Variants in GTF3A observed in about 807,000 individuals in gnomAD.
The protein encoded by GTF3A is general transcription factor IIIA.
In GTF3A, 40 loss-of-function variants were observed where a neutral mutation model predicts 37.6. The observed-to-expected ratio is 1.06, with a 90% confidence interval of 0.83 to 1.38. The LOEUF (loss-of-function observed/expected upper bound fraction) is 1.38. Ranked by LOEUF, GTF3A falls within the 40% of genes most tolerant of loss-of-function variation. The pLI, the probability that GTF3A is intolerant of heterozygous loss-of-function variation, is 0.00. For synonymous variants in GTF3A, 191 were observed against 166.7 expected (o/e 1.15, Z -1.12); for missense variants, 500 against 462.6 (o/e 1.08, Z -0.74).
chr13:27,428,638 C>T (rs1306064773), intron 2 of GTF3A, among the ~76,000 whole-genome samples: 16 of 152,214 alleles, frequency 1.1e-4, no homozygotes. Flanking sequence ...TGTCAGGACT[C>T]TTCCTGGCCT....
rs1447232236 is a variant in GTF3A, at chr13:27,424,791, C to T, written c.54C>T (p.Asp18=). Residue 18 remains aspartate, a synonymous_variant, in exon 1 of 9, where the codon GAC becomes GAT. Coordinates refer to ENST00000381140, the MANE Select transcript of GTF3A (RefSeq NM_002097.3). ...CGGTGTCGTCCTTGACCATCGCCGA[C>T]GCGTTCATTGCAGCCGGCGAGAGCT... 2.6e-6 allele frequency: 4 copies of T among 1,544,774 alleles called. No individual in the cohort carries two copies. Among genetic ancestry groups the T allele is most frequent in the Non-Finnish European group, 3.5e-6 (4 of 1,145,020 alleles).
chr13:27,426,656 C>T (rs1046924794), intron 1 of GTF3A, among the ~76,000 whole-genome samples: 2 of 152,220 alleles, frequency 1.3e-5, no homozygotes, highest in Admixed American at 1.3e-4. Flanking sequence ...TATCCTAGCA[C>T]AGACCCTGGG....
intron 6 of GTF3A, 44 bp downstream of exon 6, chr13:27,434,263 C>A (rs753410625): frequency 2.5e-6 from 2 of 809,392 alleles, no homozygotes; most frequent in East Asian, 4.8e-5. Context: ...ATGTTTGTCC[C>A]CACAGAACTG....
chr13:27,430,043 G>A (rs1953643766), intron 3 of GTF3A, 77 bp downstream of exon 3: 2 of 744,214 alleles, frequency 2.7e-6, no homozygotes, highest in South Asian at 4.5e-5. Flanking sequence ...TTTTCAGCCA[G>A]GTGCGGTGGC....
rs1566078706 is a variant in GTF3A, at chr13:27,435,664, CT to C, written c.*70del. 3.1e-6 allele frequency: 5 copies of C among 1,612,756 alleles called. No homozygotes were observed. In the East Asian group the frequency reaches 8.9e-5, roughly 29 times the overall value. ...GAGCTTTCTCTCAGAGCATGCTTTT[CT>C]TTATTAAAATTACTGATGCAGAACA... On this transcript the variant is annotated 3_prime_UTR_variant, in exon 9 of 9. Coordinates refer to ENST00000381140, the MANE Select transcript of GTF3A (RefSeq NM_002097.3).
At chr13:27,433,295 A>T (rs771088814) in intron 5 of GTF3A, among the ~76,000 whole-genome samples, 3 of 148,350 alleles carry the variant, frequency 2.0e-5, no homozygotes, top group Non-Finnish European at 4.5e-5. Context: ...TCTGTATTTC[A>T]ATTTCCCAGG....
In GTF3A at chr13:27,435,553, G is replaced by A. The variant is rs1307945438; in HGVS notation, c.1054G>A (p.Glu352Lys). 4.3e-5 allele frequency: 70 copies of A among 1,613,582 alleles called. No individual in the cohort carries two copies. The highest frequency in any genetic ancestry group is 5.7e-5 in the Non-Finnish European group (67 of 1,179,726). ...AAACGGAGAGTCACCCAACTGTGTGGAAGACAAGATGCTCTCGACAGTTGC... is the reference window on the plus strand; with the variant it reads ...AAACGGAGAGTCACCCAACTGTGTGAAAGACAAGATGCTCTCGACAGTTGC... Residue 352 changes from glutamate to lysine, a missense_variant, in exon 9 of 9, where the codon GAA becomes AAA. Physicochemically the swap from Glu to Lys is moderately conservative, Grantham distance 56 (BLOSUM62 1). Coordinates refer to ENST00000381140, the MANE Select transcript of GTF3A (RefSeq NM_002097.3).
At chr13:27,433,929 A>C (rs560750939) in intron 5 of GTF3A, among the ~76,000 whole-genome samples, 1 of 152,186 alleles carries the variant, frequency 6.6e-6, no homozygotes, top group Non-Finnish European at 1.5e-5. Context: ...GGAAGGTAAA[A>C]TCCTTAAAGG....
Position 27,432,760 on chromosome 13 carries a change from T to G in GTF3A, c.518T>G (p.Phe173Cys). 6.2e-7 allele frequency: 1 copy of G among 1,606,528 alleles called. No homozygotes were observed. The highest frequency in any genetic ancestry group is 8.5e-7 in the Non-Finnish European group (1 of 1,176,330). Residue 173 changes from phenylalanine (F) to cysteine (C), a missense_variant, in exon 5 of 9, where the codon TTT (phenylalanine) becomes TGT (cysteine). Transcript: ENST00000381140. ...ACCCAGGAAGGATGTGGGAAACACT[T>G]TGCATCACCCAGCAAGCTGAAACGA...
chr13:27,435,365 C>A, intron 8 of GTF3A, 68 bp from the exon 9 acceptor site: 1 of 1,479,378 alleles, frequency 6.8e-7, no homozygotes, highest in Non-Finnish European at 9.3e-7. Context: ...GTACATATGA[C>A]TATCGTAAAA....
chr13:27,426,698 C>T (rs558556645), intron 1 of GTF3A, among the ~76,000 whole-genome samples: 52 of 152,312 alleles, frequency 3.4e-4, no homozygotes, highest in African/African-American at 1.1e-3. Context: ...CTCCCTCGTT[C>T]CTCTGCCCTA....
Position 27,434,185 on chromosome 13 carries a change from G to A in GTF3A, c.609G>A (p.Thr203=), listed in dbSNP as rs373444805. ...GTTCCTTTGTGGCAAAAACATGGAC[G>A]GAACTTCTGAAACATGTGAGAGAAA... The change falls in exon 6 of 9, where the codon ACG becomes ACA. Residue 203 remains threonine, a synonymous_variant. Coordinates refer to ENST00000381140, the MANE Select transcript of GTF3A (RefSeq NM_002097.3). 4.7e-5 allele frequency: 66 copies of A among 1,413,422 alleles called. 1 individual carries two copies. The East Asian group carries it at 6.6e-4, about 14-fold the overall frequency. 87.6% of individuals were successfully genotyped at this position (1,413,422 alleles called of 1,614,324 possible). A position where few individuals can be genotyped will look rare whatever the true frequency, so the allele number is the denominator to read the frequency against.
chr13:27,434,673 C>A (rs1025031529), intron 6 of GTF3A, 132 bp from the exon 7 acceptor site: 5 of 595,366 alleles, frequency 8.4e-6, no homozygotes, highest in Admixed American at 3.2e-5. Flanking sequence ...GGGGTTGTTT[C>A]CTTGGGAATT....
intron 2 of GTF3A, among the ~76,000 whole-genome samples, chr13:27,428,890 C>A (rs945855914): frequency 6.6e-6 from 1 of 152,056 alleles, no homozygotes; most frequent in Non-Finnish European, 1.5e-5. Context: ...AAGCATGCCA[C>A]TGGCAGGAAG....
At position 27,424,692 on chromosome 13, in the gene GTF3A, G is replaced by A; in HGVS notation, c.-46G>A. ...CGCGCCGGTTCCCGGCACGTGTCTC[G>A]GCACGTGGCAGCGCGCCTGGCCCTG... On this transcript the variant is annotated 5_prime_UTR_variant, in exon 1 of 9. Coordinates refer to ENST00000381140, the MANE Select transcript of GTF3A (RefSeq NM_002097.3). 1.5e-6 allele frequency: 2 copies of A among 1,318,534 alleles called. No individual in the cohort carries two copies. The highest frequency in any genetic ancestry group is 2.0e-6 in the Non-Finnish European group (2 of 1,025,254). The allele number at this position is 1,318,534 out of a possible 1,614,324, so 81.7% of individuals were successfully genotyped here. A position where few individuals can be genotyped will look rare whatever the true frequency, so the allele number is the denominator to read the frequency against.
rs181758264 is a variant in GTF3A, at chr13:27,434,026, A to G, written c.563-113A>G. On this transcript the variant is annotated intron_variant, in intron 5 of 8. Coordinates refer to ENST00000381140, the MANE Select transcript of GTF3A (RefSeq NM_002097.3). Reference sequence around the variant, plus strand: ...TTCCCACCTCAAGAGGCTGAGTTGAATACTATTAGGCGGGGAATGGAAAAT... The same window carrying G: ...TTCCCACCTCAAGAGGCTGAGTTGAGTACTATTAGGCGGGGAATGGAAAAT... 6.0e-6 allele frequency: 4 copies of G among 661,804 alleles called. No homozygotes were observed. The African/African-American group carries it at 7.2e-5, about 12-fold the overall frequency. 41.0% of individuals were successfully genotyped at this position (661,804 alleles called of 1,614,324 possible).
Position 27,429,946 on chromosome 13 carries a change from A to ATC in GTF3A, c.379_380insTC (p.Asn127IlefsTer24). The ATC allele has an allele frequency of 6.6e-7, 1 of 1,522,352 alleles. No individual in the cohort carries two copies. Among genetic ancestry groups the ATC allele is most frequent in the South Asian group, 1.3e-5 (1 of 79,698 alleles). 94.3% of individuals were successfully genotyped at this position (1,522,352 alleles called of 1,614,324 possible). ...GAAACATTTTGAACGCAAACATGAA[A>ATC]ATCAACAAAAACAATATATAGTAAG... On this transcript the variant is annotated frameshift_variant, in exon 3 of 9. Coordinates refer to ENST00000381140, the MANE Select transcript of GTF3A (RefSeq NM_002097.3). LOFTEE classifies it high-confidence loss of function.
intron 4 of GTF3A, among the ~76,000 whole-genome samples, chr13:27,432,220 G>A (rs1428359809): frequency 1.3e-5 from 2 of 152,220 alleles, no homozygotes; most frequent in Non-Finnish European, 2.9e-5. Flanking sequence ...AGTTGCTGCA[G>A]TGACCTTGCC....
intron 5 of GTF3A, among the ~76,000 whole-genome samples, chr13:27,433,540 T>TTTTG (rs745555902): frequency 0.022 from 412 of 18,474 alleles, 3 homozygotes; most frequent in Middle Eastern, 0.043. Flanking sequence ...AAAAAAACTT[T>TTTTG]TTTTTTTTTT....
Sources: gnomAD v4.1 joint callset for allele counts (sites outside exome capture counted in the v4.1 genomes callset) on GRCh38, gnomAD v4.1.1 for gene constraint, MANE v1.5 for transcripts, NCBI Gene and HGNC (gene_info 2026-07-23, HGNC 2026-07-21) for gene names.